The following ZNF529 variants were observed in gnomAD, a reference collection of about 807,000 sequenced individuals.
ZNF529 encodes zinc finger protein 529.
Under a neutral mutation model 10.1 loss-of-function variants are expected in ZNF529, and 11 were observed. That is an observed-to-expected ratio of 1.09 (90% CI 0.69 to 1.81). The LOEUF (loss-of-function observed/expected upper bound fraction) is 1.81, where lower values mean the gene tolerates loss of function less well. ZNF529 is among the 40% of genes most tolerant of loss of function. ZNF529 has a pLI of 0.00. For missense variants in ZNF529, 624 were observed against 666.8 expected, an observed-to-expected ratio of 0.94 and a Z score of 0.71; for synonymous variants, 204 against 215.7, an observed-to-expected ratio of 0.95 and a Z score of 0.47.
chr19:36,582,837 A>G (rs1694739507), intron 2 of ZNF529: 1 of 152,208 alleles, frequency 6.6e-6, no homozygotes, highest in South Asian at 2.1e-4. Flanking sequence ...CCTAGTAAGC[A>G]TAATTAATAA....
rs546783533 is a variant in ZNF529 at position 36,547,391 on chromosome 19, A to T, written c.1167T>A (p.Thr389=). The part of the protein sequence containing the change: ...RELARHQRIH[T]GKKPYECKAC... Reference sequence around the variant, plus strand: ...CTTTGCATTCATAGGGTTTCTTACCAGTATGAATTCTCTGATGACGAGCAA... The same window carrying T: ...CTTTGCATTCATAGGGTTTCTTACCTGTATGAATTCTCTGATGACGAGCAA... Residue 389 remains threonine, a synonymous_variant, in exon 5 of 5, where the codon ACT becomes ACA. Transcript: ENST00000591340. 17 of 1,613,950 alleles carry T rather than the reference A, an allele frequency of 1.1e-5. No homozygotes were observed. The highest frequency in any genetic ancestry group is 1.3e-5 in the African/African-American group (1 of 75,046).
At chr19:36,554,868 G>A in intron 3 of ZNF529, 72 bp from the exon 4 acceptor site, 12 of 1,373,392 alleles carry the variant, frequency 8.7e-6, no homozygotes, top group Non-Finnish European at 1.2e-5. Flanking sequence ...AAGAGGAATT[G>A]CCTTATAGCA....
intron 2 of ZNF529, among the ~76,000 whole-genome samples, chr19:36,561,171 G>A (rs1441422429): frequency 6.6e-6 from 1 of 152,056 alleles, no homozygotes; most frequent in Non-Finnish European, 1.5e-5. Context: ...GGAACTTTGG[G>A]GCTTGCTGCC....
At chr19:36,555,683 T>G (rs2035440828) in intron 3 of ZNF529, among the ~76,000 whole-genome samples, 1 of 152,198 alleles carries the variant, frequency 6.6e-6, no homozygotes, top group South Asian at 2.1e-4. Flanking sequence ...ATTCCAACGT[T>G]TAGGTTAGAG....
In ZNF529 at chr19:36,548,228, C is replaced by A. The variant is rs908734851; in HGVS notation, c.330G>T (p.Lys110Asn). 6.2e-7 allele frequency: 1 copy of A among 1,613,746 alleles called. No homozygotes were observed. Among genetic ancestry groups the A allele is most frequent in the Non-Finnish European group, 8.5e-7 (1 of 1,179,862 alleles). ...GSQWEVMESS[K>N]LCGLEGSIFR... ...AAATGGAACCTTCAAGGCCACATAA[C>A]TTGCTACTTTCCATTACCTCCCACT... Residue 110 changes from lysine to asparagine, a missense_variant, in exon 5 of 5, where the codon AAG becomes AAT. By Grantham distance (94) the Lys-to-Asn change is moderately conservative. Coordinates refer to ENST00000591340, the MANE Select transcript of ZNF529 (RefSeq NM_020951.5).
chr19:36,595,913 A>ATTAGGTCGT (rs2036829925), intron 1 of ZNF529, among the ~76,000 whole-genome samples: 1 of 151,992 alleles, frequency 6.6e-6, no homozygotes, highest in Admixed American at 6.6e-5. Flanking sequence ...ATATATGTCA[A>ATTAGGTCGT]TTAGGTCGTT....
intron 1 of ZNF529, among the ~76,000 whole-genome samples, chr19:36,601,343 A>C (rs2036920706): frequency 6.6e-6 from 1 of 151,816 alleles, no homozygotes; most frequent in African/African-American, 2.4e-5. Context: ...TGACCTCGTG[A>C]TCCGCCTGCC....
intron 2 of ZNF529, among the ~76,000 whole-genome samples, chr19:36,558,325 C>T (rs1261336378): frequency 2.0e-5 from 3 of 151,914 alleles, no homozygotes; most frequent in Non-Finnish European, 4.4e-5. Context: ...CCAGGAAGCT[C>T]AACAAACACC....
upstream of ZNF529, chr19:36,577,494 CTT>C (rs775727195): frequency 3.7e-4 from 52 of 141,120 alleles, no homozygotes; most frequent in South Asian, 1.3e-3. Flanking sequence ...ATTGTACTCT[CTT>C]TTTTTTTTTT....
chr19:36,569,313 T>C (rs1283996132), intron 2 of ZNF529, among the ~76,000 whole-genome samples: 2 of 152,020 alleles, frequency 1.3e-5, no homozygotes, highest in African/African-American at 2.4e-5. Context: ...TAAATTACAC[T>C]TGAAGAAACA....
At chr19:36,563,550 C>G (rs2035792457) in intron 2 of ZNF529, among the ~76,000 whole-genome samples, 1 of 152,048 alleles carries the variant, frequency 6.6e-6, no homozygotes, top group African/African-American at 2.4e-5. Flanking sequence ...ACAATTGCCA[C>G]TAAAAGAATA....
At chr19:36,556,944 G>C (rs371791624) in intron 2 of ZNF529, among the ~76,000 whole-genome samples, 1 of 152,308 alleles carries the variant, frequency 6.6e-6, no homozygotes, top group Admixed American at 6.5e-5. Flanking sequence ...ATTGAGAGGA[G>C]GTTGATTAGA....
At chr19:36,560,998 T>A (rs1408470717) in intron 2 of ZNF529, among the ~76,000 whole-genome samples, 1 of 152,192 alleles carries the variant, frequency 6.6e-6, no homozygotes, top group East Asian at 1.9e-4. Flanking sequence ...GACTTTCTGA[T>A]CAGAGTGTGG....
chr19:36,552,350 C>T (rs571547806), intron 4 of ZNF529, among the ~76,000 whole-genome samples: 4 of 152,108 alleles, frequency 2.6e-5, no homozygotes, highest in Admixed American at 1.3e-4. Flanking sequence ...TGGCATGAAC[C>T]CAGGAGACAG....
At chr19:36,568,586 C>A (rs1220540624) in intron 2 of ZNF529, among the ~76,000 whole-genome samples, 1 of 151,928 alleles carries the variant, frequency 6.6e-6, no homozygotes, top group African/African-American at 2.4e-5. Flanking sequence ...ATTCTCCTGC[C>A]TCAGCCTCCT....
chr19:36,572,746 TATCTATC>T (rs564455611), intron 1 of ZNF529, among the ~76,000 whole-genome samples: 17 of 143,592 alleles, frequency 1.2e-4, no homozygotes, highest in Non-Finnish European at 2.4e-4. Flanking sequence ...ATCTATCTAT[TATCTATC>T]ATTTATCTAT....
intron 2 of ZNF529, among the ~76,000 whole-genome samples, chr19:36,564,012 A>C (rs1404845368): frequency 2.0e-5 from 3 of 152,206 alleles, no homozygotes; most frequent in African/African-American, 7.2e-5. Flanking sequence ...ATAAGCAATG[A>C]GGAAAGGACT....
intron 3 of ZNF529, among the ~76,000 whole-genome samples, chr19:36,555,489 G>T (rs1473827211): frequency 2.2e-5 from 1 of 46,422 alleles, no homozygotes; most frequent in Admixed American, 1.6e-4. Flanking sequence ...GTAGAGACGG[G>T]GTTTCACCTT....
At chr19:36,548,397 A>C (rs1367048612) in intron 4 of ZNF529, 75 bp from the exon 5 acceptor site, 1 of 1,342,420 alleles carries the variant, frequency 7.4e-7, no homozygotes, top group East Asian at 2.5e-5. Flanking sequence ...CAATTTAAGA[A>C]TAATTCACCA....
Sources: allele counts gnomAD v4.1 joint callset (sites outside exome capture counted in the v4.1 genomes callset), GRCh38; gene constraint gnomAD v4.1.1; transcripts MANE v1.5; gene names NCBI Gene and HGNC (gene_info 2026-07-23, HGNC 2026-07-21).